The following DLGAP4 variants were observed in gnomAD, a reference collection of about 807,000 sequenced individuals.
The protein encoded by DLGAP4 is DLG associated protein 4, also known as disks large-associated protein 4.
A neutral mutation model predicts 86.9 loss-of-function variants in DLGAP4; 18 were observed. The ratio of observed to expected loss-of-function variants is 0.21; its 90% CI spans 0.14 to 0.31. The LOEUF is 0.31. Ranked by LOEUF, DLGAP4 falls within the 10% of genes least tolerant of loss-of-function variation. DLGAP4 has a pLI of 1.00. For missense variants in DLGAP4, 1,085 were observed against 1,362.6 expected, an observed-to-expected ratio of 0.80 and a Z score of 3.21; for synonymous variants, 548 against 574.3, an observed-to-expected ratio of 0.95 and a Z score of 0.65.
intron 3 of DLGAP4, among the ~76,000 whole-genome samples, chr20:36,434,273 G>A (rs913046998): frequency 6.6e-6 from 1 of 152,128 alleles, no homozygotes; most frequent in Non-Finnish European, 1.5e-5. Flanking sequence ...GATGATCTTC[G>A]GGGTCTAACA....
intron 2 of DLGAP4, among the ~76,000 whole-genome samples, chr20:36,404,584 C>T (rs2032257216): frequency 6.6e-6 from 1 of 152,202 alleles, no homozygotes; most frequent in South Asian, 2.1e-4. Flanking sequence ...GAAAGCTCCT[C>T]TACGAGAGAC....
intron 2 of DLGAP4, among the ~76,000 whole-genome samples, chr20:36,408,002 A>T (rs1430863494): frequency 6.6e-6 from 1 of 152,054 alleles, no homozygotes; most frequent in East Asian, 1.9e-4. Context: ...CAGCAAAGTC[A>T]TGGAAGTCTG....
At chr20:36,330,266 G>T (rs2065254405) in intron 1 of DLGAP4, among the ~76,000 whole-genome samples, 2 of 152,148 alleles carry the variant, frequency 1.3e-5, no homozygotes, top group South Asian at 4.1e-4. Flanking sequence ...TTTTGTGGGG[G>T]AGGTTCTGAC....
chr20:36,308,058 G>C lies in DLGAP4; in HGVS notation c.-304+1546G>C, dbSNP rs1279376454. Among the ~76,000 whole-genome samples the C allele has an allele frequency of 6.6e-6, 1 of 152,224 alleles. No individual in the cohort carries two copies. Among genetic ancestry groups the C allele is most frequent in the East Asian group, 1.9e-4 (1 of 5,200 alleles). On this transcript the variant is annotated intron_variant, in intron 1 of 12. Transcript: ENST00000339266. This position sits in a 1 kb window ranked among gnomAD's most constrained non-coding sequence, Gnocchi z 4.5. ...CCACCAGGCCCTAGAGCCGGCTGTC[G>C]GGGCCAGTCAGCAGCAGACTCCGAG...
At chr20:36,407,788 C>T (rs1039166789) in intron 2 of DLGAP4, among the ~76,000 whole-genome samples, 3 of 151,992 alleles carry the variant, frequency 2.0e-5, no homozygotes, top group Non-Finnish European at 2.9e-5. Flanking sequence ...CTGGAGGGAG[C>T]GTGTCCTGGG....
intron 7 of DLGAP4, among the ~76,000 whole-genome samples, chr20:36,478,257 G>A (rs1476256983): frequency 6.6e-6 from 1 of 152,112 alleles, no homozygotes; most frequent in African/African-American, 2.4e-5. Flanking sequence ...TACAGCGTGA[G>A]GAGTCTTCTC....
chr20:36,421,751 G>A lies in DLGAP4; in HGVS notation c.-72-9895G>A, dbSNP rs555223774. On this transcript the variant is annotated intron_variant, in intron 2 of 12. Transcript: ENST00000339266. The stretch of plus-strand genomic sequence containing the variant: ...TGAGTAGAATCGGGGCAGACTGTGG[G>A]CGGAGCAGGTCGGGGCGGGTGAGAG... Among the ~76,000 whole-genome samples, 3 of 152,218 alleles carry A rather than the reference G, an allele frequency of 2.0e-5. 1 individual carries two copies. The South Asian group carries it at 6.2e-4, about 32-fold the overall frequency.
intron 2 of DLGAP4, among the ~76,000 whole-genome samples, chr20:36,395,966 G>A (rs2031935246): frequency 6.6e-6 from 1 of 152,158 alleles, no homozygotes; most frequent in South Asian, 2.1e-4. Flanking sequence ...CCCTGAGACT[G>A]GCTGGGCTGA....
intron 10 of DLGAP4, among the ~76,000 whole-genome samples, chr20:36,509,816 C>T (rs1255886309): frequency 6.6e-6 from 1 of 151,770 alleles, no homozygotes; most frequent in Non-Finnish European, 1.5e-5. Context: ...TTACACTGTG[C>T]CTATTATAAT....
chr20:36,383,953 CGGCCT>C (rs1265435703), intron 2 of DLGAP4, among the ~76,000 whole-genome samples: 1 of 146,078 alleles, frequency 6.8e-6, no homozygotes, highest in Non-Finnish European at 1.5e-5. Flanking sequence ...CACTGCACTC[CGGCCT>C]GGGTGAAAGA....
intron 2 of DLGAP4, among the ~76,000 whole-genome samples, chr20:36,381,761 C>T (rs1326151552): frequency 6.6e-6 from 1 of 152,104 alleles, no homozygotes; most frequent in Non-Finnish European, 1.5e-5. Flanking sequence ...GTGGGGCTAT[C>T]GCTGATGCTG....
At chr20:36,442,121 G>C (rs1184436346) in intron 5 of DLGAP4, among the ~76,000 whole-genome samples, 1 of 152,182 alleles carries the variant, frequency 6.6e-6, no homozygotes, top group Non-Finnish European at 1.5e-5. Flanking sequence ...ATCTCCAGGT[G>C]GGCTGCCTGC....
Position 36,392,695 on chromosome 20 carries a change from T to C in DLGAP4, c.-73+25420T>C, listed in dbSNP as rs868592506. 7.2e-5 allele frequency among the ~76,000 whole-genome samples: 11 copies of C among 152,214 alleles called. No individual in the cohort carries two copies. The South Asian group carries it at 1.7e-3, about 23-fold the overall frequency. ...TTCACTCATTTGTTTATGCATTCCT[T>C]CCTTTGACAGATATTTATTAAGCAC... On this transcript the variant is annotated intron_variant, in intron 2 of 12. Coordinates refer to ENST00000339266, the MANE Select transcript of DLGAP4 (RefSeq NM_001365621.2).
intron 2 of DLGAP4, among the ~76,000 whole-genome samples, chr20:36,378,897 C>T (rs2031264308): frequency 6.6e-6 from 1 of 152,090 alleles, no homozygotes; most frequent in East Asian, 1.9e-4. Context: ...CATTCAGCAC[C>T]TCCTGAGTGA....
chr20:36,332,759 A>T (rs1347181467), intron 1 of DLGAP4, among the ~76,000 whole-genome samples: 1 of 152,064 alleles, frequency 6.6e-6, no homozygotes, highest in Non-Finnish European at 1.5e-5. Context: ...CCAGGATCAG[A>T]GCTGGGCCTG....
In DLGAP4 at chr20:36,496,722, G is replaced by A. The variant is rs775245256; in HGVS notation, c.1666G>A (p.Ala556Thr). 3 of 1,606,240 alleles carry A rather than the reference G, an allele frequency of 1.9e-6. No homozygotes were observed. The South Asian group carries it at 3.3e-5, about 18-fold the overall frequency. ...RTLPSSSCLVAYKKTPPPVPP... is the reference protein window; with the variant it reads ...RTLPSSSCLVTYKKTPPPVPP... ...ATCTGCAGGTTCATCATGCCTAGTG[G>A]CGTATAAGAAGACCCCGCCACCGGT... Residue 556 changes from alanine (A) to threonine (T), a missense_variant, in exon 8 of 13, where the codon GCG becomes ACG. Physicochemically the swap from Ala to Thr is moderately conservative, Grantham distance 58. Transcript: ENST00000339266.
intron 10 of DLGAP4, among the ~76,000 whole-genome samples, chr20:36,513,533 C>T (rs184425584): frequency 0.015 from 1,922 of 125,630 alleles, 27 homozygotes; most frequent in African/African-American, 0.04. Context: ...CCGGCCTGGG[C>T]GACAGAGCGA....
intron 10 of DLGAP4, among the ~76,000 whole-genome samples, chr20:36,509,229 C>A (rs2147805300): frequency 6.6e-6 from 1 of 152,162 alleles, no homozygotes; most frequent in South Asian, 2.1e-4. Context: ...TCAAAACTAG[C>A]CTGGACAACG....
At chr20:36,466,597 A>C (rs1393360546) in intron 7 of DLGAP4, among the ~76,000 whole-genome samples, 2 of 152,044 alleles carry the variant, frequency 1.3e-5, no homozygotes, top group Non-Finnish European at 2.9e-5. Flanking sequence ...GCCTTTCCTC[A>C]CTCAACCTGT....
Sources: gnomAD v4.1 joint callset for allele counts (sites outside exome capture counted in the v4.1 genomes callset) on GRCh38, gnomAD v4.1.1 for gene constraint, Gnocchi (gnomAD v3.1) non-coding constraint, MANE v1.5 for transcripts, NCBI Gene and HGNC (gene_info 2026-07-23, HGNC 2026-07-21) for gene names.